The following FRAS1 variants were observed in gnomAD, a reference collection of about 807,000 sequenced individuals.
FRAS1 encodes Fraser extracellular matrix complex subunit 1.
In FRAS1, 290 loss-of-function variants were observed where a neutral mutation model predicts 435.2. The ratio of observed to expected loss-of-function variants is 0.67; its 90% CI spans 0.61 to 0.73. The LOEUF (loss-of-function observed/expected upper bound fraction) is 0.73, where lower values mean the gene tolerates loss of function less well. FRAS1 is among the 30% of genes least tolerant of loss of function. The pLI is 0.00. For synonymous variants in FRAS1, 1,800 were observed against 1,851.0 expected, an observed-to-expected ratio of 0.97 and a Z score of 0.71; for missense variants, 4,860 against 5,001.5, an observed-to-expected ratio of 0.97 and a Z score of 0.85.
intron 14 of FRAS1, among the ~76,000 whole-genome samples, chr4:78,301,640 G>A (rs1728401666): frequency 6.6e-6 from 1 of 152,172 alleles, no homozygotes; most frequent in Admixed American, 6.5e-5. Context: ...CTGCAGGTGG[G>A]AGGTGGTGAT....
At chr4:78,116,762 G>T (rs186569667) in intron 2 of FRAS1, among the ~76,000 whole-genome samples, 367 of 152,274 alleles carry the variant, frequency 2.4e-3, no homozygotes, top group African/African-American at 8.0e-3. Context: ...ACAGCACACT[G>T]ATTGGTCTTG....
intron 47 of FRAS1, among the ~76,000 whole-genome samples, chr4:78,452,765 C>T (rs1719064207): frequency 6.6e-6 from 1 of 152,182 alleles, no homozygotes; most frequent in Non-Finnish European, 1.5e-5. Context: ...TTAGCTGCTG[C>T]TCAGGAAATG....
chr4:78,451,957 C>G (rs1036328572), intron 46 of FRAS1, 66 bp downstream of exon 46: 1 of 1,483,926 alleles, frequency 6.7e-7, no homozygotes, highest in Non-Finnish European at 9.1e-7. Flanking sequence ...ATAGTTTACA[C>G]TTTGTTCACC....
chr4:78,119,291 C>G (rs1023510777), intron 2 of FRAS1, among the ~76,000 whole-genome samples: 6 of 152,178 alleles, frequency 3.9e-5, no homozygotes, highest in African/African-American at 1.4e-4. Context: ...CTCCTCCCAT[C>G]TAGCTGTAAT....
intron 20 of FRAS1, among the ~76,000 whole-genome samples, chr4:78,359,349 T>C (rs994422833): frequency 1.3e-5 from 2 of 152,190 alleles, no homozygotes; most frequent in Non-Finnish European, 2.9e-5. Context: ...GATTTCTGGC[T>C]TCTTTCCGTG....
At chr4:78,076,480 A>T (rs1740647011) in intron 2 of FRAS1, among the ~76,000 whole-genome samples, 1 of 152,174 alleles carries the variant, frequency 6.6e-6, no homozygotes. Context: ...TTGTATTAAA[A>T]TTTTTTGTTA....
At chr4:78,086,389 T>G (rs947646106) in intron 2 of FRAS1, among the ~76,000 whole-genome samples, 2 of 152,020 alleles carry the variant, frequency 1.3e-5, no homozygotes, top group African/African-American at 4.8e-5. Context: ...AGCAAACACA[T>G]TCAAAAGCTA....
intron 63 of FRAS1, among the ~76,000 whole-genome samples, chr4:78,510,083 C>G (rs1411702628): frequency 6.6e-6 from 1 of 152,166 alleles, no homozygotes; most frequent in Non-Finnish European, 1.5e-5. Context: ...TGCAACATAA[C>G]CTAGTTCAAA....
chr4:78,287,205 A>G (rs1342019151), intron 14 of FRAS1, among the ~76,000 whole-genome samples: 6 of 152,164 alleles, frequency 3.9e-5, no homozygotes, highest in African/African-American at 1.4e-4. Context: ...TTAAACCATC[A>G]GATCTCATGA....
chr4:78,152,486 C>G (rs968162076), intron 2 of FRAS1, among the ~76,000 whole-genome samples: 1 of 152,034 alleles, frequency 6.6e-6, no homozygotes, highest in African/African-American at 2.4e-5. Context: ...TTAATTCAGA[C>G]CTAATTGCTG....
intron 55 of FRAS1, among the ~76,000 whole-genome samples, 162 bp from the exon 56 acceptor site, chr4:78,479,212 C>T (rs373031725): frequency 6.6e-5 from 10 of 152,218 alleles, no homozygotes; most frequent in African/African-American, 2.4e-4. Flanking sequence ...GTTTATACCA[C>T]AGGCTCAAAG....
chr4:78,383,264 G>A (rs1312553583), intron 27 of FRAS1, among the ~76,000 whole-genome samples: 3 of 152,148 alleles, frequency 2.0e-5, no homozygotes, highest in Admixed American at 1.3e-4. Flanking sequence ...TGCAGGGGTG[G>A]CTCAGATCTC....
At chr4:78,341,328 G>C (rs184052930) in intron 20 of FRAS1, among the ~76,000 whole-genome samples, 25 of 152,314 alleles carry the variant, frequency 1.6e-4, no homozygotes, top group African/African-American at 5.3e-4. Flanking sequence ...GGACTGGTCT[G>C]TAGGGCCTTG....
At chr4:78,305,235 TATA>T (rs1728649988) in intron 14 of FRAS1, among the ~76,000 whole-genome samples, 1 of 152,040 alleles carries the variant, frequency 6.6e-6, no homozygotes, top group Non-Finnish European at 1.5e-5. Context: ...GATAGTTTGT[TATA>T]ATTTCTGTTC....
chr4:78,278,618 A>T, intron 9 of FRAS1, 37 bp from the exon 10 acceptor site: 1 of 1,185,460 alleles, frequency 8.4e-7, no homozygotes, highest in Non-Finnish European at 1.3e-6. Flanking sequence ...TGGAGATGTT[A>T]ATTTGATATG....
chr4:78,220,258 A>T (rs1723995348), intron 2 of FRAS1, among the ~76,000 whole-genome samples: 1 of 152,236 alleles, frequency 6.6e-6, no homozygotes, highest in Admixed American at 6.5e-5. Flanking sequence ...AATTCAGTCT[A>T]TGGCTGGTCA....
At position 78,172,729 on chromosome 4, in the gene FRAS1, G is replaced by A. The variant is rs189971618; in HGVS notation, c.109-64781G>A. Reference sequence around the variant, plus strand: ...TAATATTATTTTACAATAATACTAAGCTTATCTAATTTTTAAAAGTCACCA... The same window carrying A: ...TAATATTATTTTACAATAATACTAAACTTATCTAATTTTTAAAAGTCACCA... On this transcript the variant is annotated intron_variant, in intron 2 of 73. Coordinates refer to ENST00000512123, the MANE Select transcript of FRAS1 (RefSeq NM_025074.7). 1.3e-4 allele frequency among the ~76,000 whole-genome samples: 20 copies of A among 151,876 alleles called. No homozygotes were observed. The East Asian group carries it at 3.3e-3, about 25-fold the overall frequency.
Position 78,446,882 on chromosome 4 carries a change from T to A in FRAS1, c.6010+2T>A, listed in dbSNP as rs945270300. ...TATTGACAAAAAAGCCTGACCACGG[T>A]AGGGCACGAACTGCTATGAAAAGCT... On this transcript the variant is annotated splice_donor_variant, in intron 43 of 73. Transcript: ENST00000512123. LOFTEE classifies it high-confidence loss of function. The A allele has an allele frequency of 1.9e-6, 3 of 1,604,084 alleles. No individual in the cohort carries two copies. Among genetic ancestry groups the A allele is most frequent in the African/African-American group, 2.7e-5 (2 of 74,700 alleles).
At position 78,132,826 on chromosome 4, in the gene FRAS1, T is replaced by TG. The variant is rs372904255; in HGVS notation, c.108+66812dup. ...CAGTGGAGTGGGAGGGTTTCTAGTGTGGTTTGGCTCACCTAGGGGAGATAC... is the reference window on the plus strand; with the variant it reads ...CAGTGGAGTGGGAGGGTTTCTAGTGTGGGTTTGGCTCACCTAGGGGAGATAC... On this transcript the variant is annotated intron_variant, in intron 2 of 73. Coordinates refer to ENST00000512123, the MANE Select transcript of FRAS1 (RefSeq NM_025074.7). Among the ~76,000 whole-genome samples, 343 of 152,090 alleles carry TG rather than the reference T, an allele frequency of 2.3e-3. 1 individual carries two copies. Among genetic ancestry groups the TG allele is most frequent in the African/African-American group, 7.6e-3 (315 of 41,506 alleles).
Sources: gnomAD v4.1 joint callset for allele counts (sites outside exome capture counted in the v4.1 genomes callset) on GRCh38, gnomAD v4.1.1 for gene constraint, MANE v1.5 for transcripts, NCBI Gene and HGNC (gene_info 2026-07-23, HGNC 2026-07-21) for gene names.